Variants in EXOC4 observed in about 807,000 individuals in gnomAD.
EXOC4 encodes the protein exocyst complex component 4, also known as SEC8-like 1.
In EXOC4, 71 loss-of-function variants were observed where a neutral mutation model predicts 107.2. The observed-to-expected ratio is 0.66, with a 90% CI of 0.55 to 0.81. EXOC4 has a LOEUF of 0.81. Among genes scored for constraint, EXOC4 ranks in the 30% least tolerant of loss-of-function variants. The probability of loss-of-function intolerance (pLI) is 0.00; values close to 1 mark genes in which losing one functional copy is unlikely to be tolerated. For missense variants in EXOC4, 1,108 were observed against 1,189.6 expected (o/e 0.93, Z 1.01); for synonymous variants, 456 against 441.2 (o/e 1.03, Z -0.42).
rs931950753 is a variant in EXOC4 at position 134,064,652 on chromosome 7, T to A, written c.*124T>A. 7 of 623,574 alleles carry A rather than the reference T, an allele frequency of 1.1e-5. No individual in the cohort carries two copies. The highest frequency in any genetic ancestry group is 1.1e-4 in the South Asian group (4 of 36,090). The allele number at this position is 623,574 out of a possible 1,614,324, so 38.6% of individuals were successfully genotyped here. A position where few individuals can be genotyped will look rare whatever the true frequency, so the allele number is the denominator to read the frequency against. On this transcript the variant is annotated 3_prime_UTR_variant, in exon 18 of 18. Transcript: ENST00000253861. ...GTGATACTTTAGTGGAGAGGAGGTGTAAGGATTCTTTCTCTCTGGTTTTGG... is the reference window on the plus strand; with the variant it reads ...GTGATACTTTAGTGGAGAGGAGGTGAAAGGATTCTTTCTCTCTGGTTTTGG...
chr7:133,484,131 A>G (rs181795225), intron 9 of EXOC4: 97 of 1,610,864 alleles, frequency 6.0e-5, no homozygotes, highest in Middle Eastern at 3.3e-4. Flanking sequence ...AACATTTTCA[A>G]TTTATCATAC....
At chr7:133,790,814 A>G (rs1162437476) in intron 10 of EXOC4, among the ~76,000 whole-genome samples, 1 of 152,236 alleles carries the variant, frequency 6.6e-6, no homozygotes, top group Non-Finnish European at 1.5e-5. Flanking sequence ...TGTCAAATAA[A>G]CAGAGAACAT....
At position 133,812,032 on chromosome 7, in the gene EXOC4, G is replaced by T. The variant is rs575359199; in HGVS notation, c.1515-5293G>T. On this transcript the variant is annotated intron_variant, in intron 10 of 17. Transcript: ENST00000253861. ...TACACTTTGCGCCTGGCCACGTGGG[G>T]TTTTTTGCTCATTCCTACATCCATT... Among the ~76,000 whole-genome samples the T allele has an allele frequency of 6.1e-4, 93 of 152,140 alleles. 1 individual carries two copies. The highest frequency in any genetic ancestry group is 3.4e-3 in the Middle Eastern group (1 of 294).
chr7:133,643,989 A>C (rs1246502959), intron 10 of EXOC4, among the ~76,000 whole-genome samples: 1 of 152,126 alleles, frequency 6.6e-6, no homozygotes, highest in Non-Finnish European at 1.5e-5. Flanking sequence ...TCACTGCATA[A>C]ATTGTCAGTA....
chr7:133,679,297 A>G (rs2151066347), intron 10 of EXOC4, among the ~76,000 whole-genome samples: 1 of 152,268 alleles, frequency 6.6e-6, no homozygotes, highest in South Asian at 2.1e-4. Context: ...CCCTTTCGCT[A>G]CCTTTGTTCC....
At chr7:133,535,623 T>A (rs1800257217) in intron 9 of EXOC4, among the ~76,000 whole-genome samples, 1 of 152,230 alleles carries the variant, frequency 6.6e-6, no homozygotes, top group Non-Finnish European at 1.5e-5. Context: ...GGTACTGTTT[T>A]ATGGAAAGCA....
At chr7:134,072,550 C>CA in the EXOC4 span, among the ~76,000 whole-genome samples, 1 of 152,114 alleles carries the variant, frequency 6.6e-6, no homozygotes, top group African/African-American at 2.4e-5. Context: ...CAGGGGAGGT[C>CA]AGAGAAACCT....
intron 10 of EXOC4, among the ~76,000 whole-genome samples, chr7:133,679,164 A>G (rs1420970): frequency 0.99 from 150,238 of 152,272 alleles, 74,159 homozygotes; most frequent in Middle Eastern, 1. Context: ...GTTGCTATTC[A>G]TCTAAGTCTG....
intron 5 of EXOC4, among the ~76,000 whole-genome samples, chr7:133,323,918 C>T (rs1795174660): frequency 6.6e-6 from 1 of 152,104 alleles, no homozygotes; most frequent in East Asian, 1.9e-4. Context: ...AGAGATTCAA[C>T]TTCTTCCTGG....
intron 7 of EXOC4, among the ~76,000 whole-genome samples, chr7:133,382,517 G>T (rs979324030): frequency 1.3e-5 from 2 of 152,118 alleles, no homozygotes; most frequent in African/African-American, 4.8e-5. Flanking sequence ...TACACATGGG[G>T]CTGATTTAGT....
chr7:133,716,086 T>TA (rs1283512746), intron 10 of EXOC4, among the ~76,000 whole-genome samples: 1 of 152,204 alleles, frequency 6.6e-6, no homozygotes, highest in Non-Finnish European at 1.5e-5. Flanking sequence ...GTCAAATACT[T>TA]AAAGAGTACA....
At chr7:133,844,108 T>C (rs913039341) in intron 11 of EXOC4, among the ~76,000 whole-genome samples, 11 of 152,086 alleles carry the variant, frequency 7.2e-5, no homozygotes, top group African/African-American at 2.2e-4. Flanking sequence ...TTATTAAGGA[T>C]ATTGGCCTTA....
intron 7 of EXOC4, among the ~76,000 whole-genome samples, chr7:133,421,972 A>G (rs1797617526): frequency 6.6e-6 from 1 of 150,892 alleles, no homozygotes; most frequent in Non-Finnish European, 1.5e-5. Context: ...ATGACTACCT[A>G]TAATACTAGG....
chr7:133,654,895 T>G (rs1161736216), intron 10 of EXOC4, among the ~76,000 whole-genome samples: 1 of 152,166 alleles, frequency 6.6e-6, no homozygotes, highest in Non-Finnish European at 1.5e-5. Context: ...TAAGTACTTG[T>G]GTGTTTAAAC....
the EXOC4 span, among the ~76,000 whole-genome samples, chr7:134,097,901 T>C: frequency 4.6e-5 from 7 of 152,204 alleles, no homozygotes; most frequent in Non-Finnish European, 7.3e-5. Flanking sequence ...GGATCAGTAC[T>C]GCCTTCTGAT....
chr7:133,418,115 C>T (rs1169650944), intron 7 of EXOC4, among the ~76,000 whole-genome samples: 2 of 152,160 alleles, frequency 1.3e-5, no homozygotes, highest in African/African-American at 4.8e-5. Context: ...ATGTTATGAA[C>T]ATAGTTCAGG....
Position 133,710,169 on chromosome 7 carries a change from G to A in EXOC4, c.1514+80028G>A, listed in dbSNP as rs1191329515. On this transcript the variant is annotated intron_variant, in intron 10 of 17. Transcript: ENST00000253861. Reference sequence around the variant, plus strand: ...GAAGTGCAGCAGAAGCAGCAATGGTGATAGTCTGGGCTTCTATCACAGGGT... The same window carrying A: ...GAAGTGCAGCAGAAGCAGCAATGGTAATAGTCTGGGCTTCTATCACAGGGT... 3.3e-5 allele frequency among the ~76,000 whole-genome samples: 5 copies of A among 152,250 alleles called. No homozygotes were observed. The East Asian group carries it at 9.7e-4, about 29-fold the overall frequency.
At chr7:133,259,047 A>G (rs752419497) in intron 1 of EXOC4, among the ~76,000 whole-genome samples, 5 of 152,126 alleles carry the variant, frequency 3.3e-5, no homozygotes, top group South Asian at 4.1e-4. Context: ...AGTCATAGGA[A>G]CATTGTCCAG....
At chr7:134,034,311 C>CA (rs1323633956) in intron 17 of EXOC4, among the ~76,000 whole-genome samples, 1 of 152,214 alleles carries the variant, frequency 6.6e-6, no homozygotes, top group Non-Finnish European at 1.5e-5. Context: ...GGAAAAAAAG[C>CA]AACTATACAG....
Sources: gnomAD v4.1 joint callset for allele counts (sites outside exome capture counted in the v4.1 genomes callset) on GRCh38, gnomAD v4.1.1 for gene constraint, MANE v1.5 for transcripts, NCBI Gene and HGNC (gene_info 2026-07-23, HGNC 2026-07-21) for gene names.